BTF3L4: variants seen among roughly 807,000 people sequenced by gnomAD.
BTF3L4 encodes transcription factor BTF3 homolog 4.
In BTF3L4, 6 loss-of-function variants were observed where a neutral mutation model predicts 16.8. That is an observed-to-expected ratio of 0.36 (90% confidence interval 0.20 to 0.71). The LOEUF is 0.71. Among genes scored for constraint, BTF3L4 ranks in the 30% least tolerant of loss-of-function variants. The probability of loss-of-function intolerance (pLI) is 0.58; values close to 1 mark genes in which losing one functional copy is unlikely to be tolerated. For missense variants in BTF3L4, 92 were observed against 186.9 expected (o/e 0.49, Z 2.96); for synonymous variants, 39 against 59.8 (o/e 0.65, Z 1.60).
chr1:52,066,965 A>C (rs561667160), intron 3 of BTF3L4, among the ~76,000 whole-genome samples: 1 of 150,030 alleles, frequency 6.7e-6, no homozygotes, highest in Non-Finnish European at 1.5e-5. Flanking sequence ...GGCTGGGCGC[A>C]GTGGCTCACA....
rs1643951427 is a variant in BTF3L4 at position 52,084,430 on chromosome 1, T to C, written c.370+889T>C. On this transcript the variant is annotated intron_variant, in intron 4 of 5. Coordinates refer to ENST00000313334, the MANE Select transcript of BTF3L4 (RefSeq NM_152265.5). ...ATGTGCTAGGATTACAGGCGTGAGCTACCATGCTTGGCCCATCATTTTAAA... is the reference window on the plus strand; with the variant it reads ...ATGTGCTAGGATTACAGGCGTGAGCCACCATGCTTGGCCCATCATTTTAAA... Among the ~76,000 whole-genome samples the C allele has an allele frequency of 2.6e-5, 4 of 152,162 alleles. No individual in the cohort carries two copies. In the South Asian group the frequency reaches 8.3e-4, roughly 32 times the overall value.
chr1:52,058,219 G>A (rs1381103380), intron 1 of BTF3L4, among the ~76,000 whole-genome samples: 5 of 152,092 alleles, frequency 3.3e-5, no homozygotes, highest in African/African-American at 1.2e-4. Flanking sequence ...TTCTTGTTTT[G>A]GACTCTAAAC....
chr1:52,056,655 G>T (rs1686365161), intron 1 of BTF3L4, among the ~76,000 whole-genome samples: 1 of 152,250 alleles, frequency 6.6e-6, no homozygotes, highest in African/African-American at 2.4e-5. Context: ...GCAGGTGGAC[G>T]CCCCTCCTCT....
At chr1:52,071,332 A>G (rs1264939254) in intron 3 of BTF3L4, 1 of 152,234 alleles carries the variant, frequency 6.6e-6, no homozygotes, top group Non-Finnish European at 1.5e-5. Context: ...TTCCAGGTAT[A>G]GTCAACCCTT....
chr1:52,083,023 C>T (rs1643939206), intron 3 of BTF3L4, among the ~76,000 whole-genome samples: 1 of 152,090 alleles, frequency 6.6e-6, no homozygotes, highest in African/African-American at 2.4e-5. Flanking sequence ...CATTAAGAAG[C>T]TGGTTTTTGG....
At position 52,089,982 on chromosome 1, in the gene BTF3L4, C is replaced by T. The variant is rs1644004920; in HGVS notation, c.*3224C>T. 6.6e-6 allele frequency: 1 copy of T among 151,882 alleles called. No homozygotes were observed. The highest frequency in any genetic ancestry group is 6.6e-5 in the Admixed American group (1 of 15,218). 9.4% of individuals were successfully genotyped at this position (151,882 alleles called of 1,614,324 possible). A position where few individuals can be genotyped will look rare whatever the true frequency, so the allele number is the denominator to read the frequency against. ...GTTTAACCCTAGGTATGCTACATACCCATAAATAAGATACCATGGTAAGAG... is the reference window on the plus strand; with the variant it reads ...GTTTAACCCTAGGTATGCTACATACTCATAAATAAGATACCATGGTAAGAG... On this transcript the variant is annotated 3_prime_UTR_variant, in exon 6 of 6. Transcript: ENST00000313334.
intron 3 of BTF3L4, among the ~76,000 whole-genome samples, chr1:52,083,010 T>C (rs1643939171): frequency 6.6e-6 from 1 of 152,168 alleles, no homozygotes; most frequent in South Asian, 2.1e-4. Flanking sequence ...TAATGAGTAA[T>C]TTCATTAAGA....
intron 3 of BTF3L4, among the ~76,000 whole-genome samples, chr1:52,080,213 TTAG>T (rs1388596059): frequency 2.6e-5 from 4 of 152,068 alleles, no homozygotes; most frequent in African/African-American, 9.7e-5. Context: ...TGAGAATGAT[TTAG>T]TAGGAAGGAA....
At chr1:52,075,665 T>A (rs190586689) in intron 3 of BTF3L4, among the ~76,000 whole-genome samples, 1,511 of 149,164 alleles carry the variant, frequency 0.01, 14 homozygotes, top group Non-Finnish European at 0.014. Context: ...ATGTATATTT[T>A]TATATATATA....
chr1:52,059,970 T>C, intron 2 of BTF3L4, 69 bp downstream of exon 2: 1 of 1,425,676 alleles, frequency 7.0e-7, no homozygotes, highest in Non-Finnish European at 9.6e-7. Context: ...ATTTCGGATT[T>C]GTGGTCATTG....
At chr1:52,085,013 CTTTTTTTTTT>C (rs764763479) in intron 4 of BTF3L4, among the ~76,000 whole-genome samples, 3 of 58,514 alleles carry the variant, frequency 5.1e-5, no homozygotes, top group African/African-American at 6.8e-5. Flanking sequence ...TGAAAAAAAT[CTTTTTTTTTT>C]TTTTTTTTTT....
chr1:52,075,470 C>T (rs1396465554), intron 3 of BTF3L4, among the ~76,000 whole-genome samples: 2 of 147,294 alleles, frequency 1.4e-5, no homozygotes, highest in South Asian at 2.1e-4. Flanking sequence ...TGCAGTGGGC[C>T]GAGATCGCAC....
At chr1:52,080,215 A>G (rs1293118191) in intron 3 of BTF3L4, among the ~76,000 whole-genome samples, 2 of 152,124 alleles carry the variant, frequency 1.3e-5, no homozygotes, top group African/African-American at 4.8e-5. Flanking sequence ...AGAATGATTT[A>G]GTAGGAAGGA....
chr1:52,076,413 A>C (rs1308936922), intron 3 of BTF3L4, among the ~76,000 whole-genome samples: 1 of 152,026 alleles, frequency 6.6e-6, no homozygotes, highest in Non-Finnish European at 1.5e-5. Context: ...ATCTCTACTA[A>C]AAATACAAAA....
At chr1:52,056,542 G>T (rs1254396591) in intron 1 of BTF3L4, among the ~76,000 whole-genome samples, 163 bp downstream of exon 1, 1 of 152,242 alleles carries the variant, frequency 6.6e-6, no homozygotes, top group East Asian at 1.9e-4. Context: ...GGTTACCGGC[G>T]GCGCAGCTGG....
chr1:52,073,688 A>C (rs185113347), intron 3 of BTF3L4, among the ~76,000 whole-genome samples: 1 of 53,946 alleles, frequency 1.9e-5, no homozygotes, highest in Admixed American at 2.9e-4. Context: ...TGCTGTCTCT[A>C]CAAAAAAAAA....
At chr1:52,062,353 C>G (rs1036253667) in intron 2 of BTF3L4, among the ~76,000 whole-genome samples, 5 of 151,960 alleles carry the variant, frequency 3.3e-5, no homozygotes, top group Non-Finnish European at 7.4e-5. Context: ...AGGCACGCGC[C>G]ACCACGCCTG....
intron 4 of BTF3L4, among the ~76,000 whole-genome samples, chr1:52,085,002 A>G (rs941785376): frequency 4.1e-5 from 6 of 147,194 alleles, no homozygotes; most frequent in African/African-American, 1.2e-4. Context: ...ACCAAAAGAA[A>G]TGAAAAAAAT....
intron 3 of BTF3L4, among the ~76,000 whole-genome samples, chr1:52,067,334 A>G (rs867638850): frequency 1.3e-5 from 2 of 152,278 alleles, no homozygotes; most frequent in African/African-American, 4.8e-5. Context: ...ATAAATGAAT[A>G]AAATTAACAC....
Sources: gnomAD v4.1 joint callset for allele counts (sites outside exome capture counted in the v4.1 genomes callset) on GRCh38, gnomAD v4.1.1 for gene constraint, MANE v1.5 for transcripts, NCBI Gene and HGNC (gene_info 2026-07-23, HGNC 2026-07-21) for gene names.